The following NR2E1 variants were observed in gnomAD, a reference collection of about 807,000 sequenced individuals.
NR2E1 encodes nuclear receptor subfamily 2 group E member 1.
NR2E1 carries 5 observed loss-of-function variants against 43.6 expected under a neutral mutation model. That is an observed-to-expected ratio of 0.11 (90% CI 0.06 to 0.24). The LOEUF (loss-of-function observed/expected upper bound fraction) is 0.24, where lower values mean the gene tolerates loss of function less well. Among genes scored for constraint, NR2E1 ranks in the 10% least tolerant of loss-of-function variants. The pLI, the probability that NR2E1 is intolerant of heterozygous loss-of-function variation, is 1.00. For synonymous variants in NR2E1, 191 were observed against 195.5 expected (o/e 0.98, Z 0.19); for missense variants, 287 against 496.7 (o/e 0.58, Z 4.01).
At chr6:108,172,478 C>T (rs766086410) in intron 2 of NR2E1, among the ~76,000 whole-genome samples, 41 of 152,140 alleles carry the variant, frequency 2.7e-4, no homozygotes, top group Non-Finnish European at 4.7e-4. Context: ...GACTCAGTTT[C>T]CAGCTCAATA....
chr6:108,185,915 C>T (rs1159655924), intron 8 of NR2E1, among the ~76,000 whole-genome samples: 2 of 152,106 alleles, frequency 1.3e-5, no homozygotes, highest in Non-Finnish European at 2.9e-5. Context: ...TTTCTCACCA[C>T]GGGAAATGTT....
At position 108,187,792 on chromosome 6, in the gene NR2E1, G is replaced by A; in HGVS notation, c.*329G>A. 1 of 365,452 alleles carries A rather than the reference G, an allele frequency of 2.7e-6. No individual in the cohort carries two copies. The highest frequency in any genetic ancestry group is 5.3e-6 in the Non-Finnish European group (1 of 190,156). 22.6% of individuals were successfully genotyped at this position (365,452 alleles called of 1,614,324 possible). On this transcript the variant is annotated 3_prime_UTR_variant, in exon 9 of 9. Coordinates refer to ENST00000368986, the MANE Select transcript of NR2E1 (RefSeq NM_003269.5). The stretch of plus-strand genomic sequence containing the variant: ...GGAAGATCAGGCTGAACGATCAAAA[G>A]CTGAAACATAAGTAGTGCTTTCTCT...
chr6:108,177,014 G>T (rs1476153837), intron 4 of NR2E1, among the ~76,000 whole-genome samples: 1 of 152,170 alleles, frequency 6.6e-6, no homozygotes, highest in Non-Finnish European at 1.5e-5. Flanking sequence ...AGTTTGGGGT[G>T]GAGGCCAGGA....
intron 2 of NR2E1, 76 bp downstream of exon 2, chr6:108,171,679 C>G (rs1231243394): frequency 6.3e-6 from 10 of 1,588,374 alleles, no homozygotes; most frequent in Non-Finnish European, 7.7e-6. Flanking sequence ...AAGGCCTCCT[C>G]TGAGTTTCCA....
chr6:108,168,587 G>T (rs773316666), intron 1 of NR2E1, among the ~76,000 whole-genome samples: 24 of 152,286 alleles, frequency 1.6e-4, no homozygotes, highest in Non-Finnish European at 3.4e-4. Flanking sequence ...GAAGCCTCCA[G>T]CCCCGGCTCA....
chr6:108,182,794 T>C (rs1774014965), intron 8 of NR2E1, among the ~76,000 whole-genome samples: 1 of 151,996 alleles, frequency 6.6e-6, no homozygotes, highest in Non-Finnish European at 1.5e-5. Flanking sequence ...CCTGAACTTG[T>C]GATCTGCCTG....
At chr6:108,182,724 A>G (rs1042267141) in intron 8 of NR2E1, among the ~76,000 whole-genome samples, 6 of 151,656 alleles carry the variant, frequency 4.0e-5, no homozygotes, top group African/African-American at 1.5e-4. Context: ...ACGCCCAGCT[A>G]ATTTTTGTAT....
At chr6:108,184,860 C>A (rs886697786) in intron 8 of NR2E1, among the ~76,000 whole-genome samples, 1 of 152,106 alleles carries the variant, frequency 6.6e-6, no homozygotes, top group Non-Finnish European at 1.5e-5. Flanking sequence ...CTTATTATTT[C>A]TATTAAATAT....
rs1355244254 is a variant in NR2E1, at chr6:108,188,100, A to G, written c.*637A>G. 2 of 153,082 alleles carry G rather than the reference A, an allele frequency of 1.3e-5. No individual in the cohort carries two copies. Among genetic ancestry groups the G allele is most frequent in the Admixed American group, 6.4e-5 (1 of 15,506 alleles). The allele number at this position is 153,082 out of a possible 1,614,324, so 9.5% of individuals were successfully genotyped here. A position where few individuals can be genotyped will look rare whatever the true frequency, so the allele number is the denominator to read the frequency against. On this transcript the variant is annotated 3_prime_UTR_variant, in exon 9 of 9. Coordinates refer to ENST00000368986, the MANE Select transcript of NR2E1 (RefSeq NM_003269.5). ...CTTTTGTTCTTTCTTCTTCTTTTTTAATACCATAGGCCAGGCAACCTTGTC... is the reference window on the plus strand; with the variant it reads ...CTTTTGTTCTTTCTTCTTCTTTTTTGATACCATAGGCCAGGCAACCTTGTC...
intron 8 of NR2E1, among the ~76,000 whole-genome samples, chr6:108,186,430 T>G (rs180813366): frequency 6.6e-6 from 1 of 152,312 alleles, no homozygotes; most frequent in East Asian, 1.9e-4. Flanking sequence ...TCGAAGGAAT[T>G]TTGATATCCC....
intron 8 of NR2E1, among the ~76,000 whole-genome samples, chr6:108,183,906 TG>T (rs1473033799): frequency 6.6e-6 from 1 of 152,158 alleles, no homozygotes; most frequent in African/African-American, 2.4e-5. Context: ...TCTACTGACT[TG>T]TAGGCCGGGC....
intron 4 of NR2E1, 130 bp downstream of exon 4, chr6:108,176,868 TG>T (rs1773908646): frequency 1.2e-6 from 1 of 835,170 alleles, no homozygotes; most frequent in African/African-American, 1.7e-5. Flanking sequence ...GGCGGGTCTC[TG>T]CATGGAGCTC....
At chr6:108,172,869 T>C (rs988342707) in intron 2 of NR2E1, among the ~76,000 whole-genome samples, 6 of 152,254 alleles carry the variant, frequency 3.9e-5, no homozygotes, top group African/African-American at 1.4e-4. Context: ...TATCAGTTTC[T>C]AGCTTCACCA....
At position 108,180,972 on chromosome 6, in the gene NR2E1, C is replaced by A. The variant is rs751537295; in HGVS notation, c.889+16C>A. ...TTCAAAGCCGGTAAGCAGACACAGACCCCTGTTTCTTCTCCTTCCCCAGTT... is the reference window on the plus strand; with the variant it reads ...TTCAAAGCCGGTAAGCAGACACAGAACCCTGTTTCTTCTCCTTCCCCAGTT... On this transcript the variant is annotated intron_variant, in intron 7 of 8. Transcript: ENST00000368986. This position sits in a 1 kb window ranked among gnomAD's most constrained non-coding sequence, Gnocchi z 5.4. The A allele has an allele frequency of 6.2e-7, 1 of 1,613,784 alleles. No homozygotes were observed. The highest frequency in any genetic ancestry group is 1.1e-5 in the South Asian group (1 of 91,062).
intron 2 of NR2E1, among the ~76,000 whole-genome samples, chr6:108,173,175 G>A (rs967899142): frequency 2.0e-5 from 3 of 152,106 alleles, no homozygotes; most frequent in Admixed American, 6.6e-5. Flanking sequence ...GAGCTGAGGC[G>A]TTTATCCTTC....
At chr6:108,183,133 G>A (rs1001847138) in intron 8 of NR2E1, among the ~76,000 whole-genome samples, 1 of 152,192 alleles carries the variant, frequency 6.6e-6, no homozygotes, top group African/African-American at 2.4e-5. Context: ...GTTTTTGGCT[G>A]TTTGTAGGAA....
Position 108,180,726 on chromosome 6 carries a change from A to T in NR2E1, c.740-81A>T. 1 of 1,279,868 alleles carries T rather than the reference A, an allele frequency of 7.8e-7. No individual in the cohort carries two copies. Among genetic ancestry groups the T allele is most frequent in the South Asian group, 1.2e-5 (1 of 82,880 alleles). 79.3% of individuals were successfully genotyped at this position (1,279,868 alleles called of 1,614,324 possible). On this transcript the variant is annotated intron_variant, in intron 6 of 8. Coordinates refer to ENST00000368986, the MANE Select transcript of NR2E1 (RefSeq NM_003269.5). The surrounding 1 kb of genome is among the most constrained non-coding windows in gnomAD (Gnocchi z 5.4). ...GAGTGACAATTGAATAGATATTGAT[A>T]TGCAGGATTTTGTCAAAAATCAATA... is the stretch of plus-strand genomic sequence containing the variant.
chr6:108,166,927 C>A lies in NR2E1; in HGVS notation c.25+137C>A. On this transcript the variant is annotated intron_variant, in intron 1 of 8. Coordinates refer to ENST00000368986, the MANE Select transcript of NR2E1 (RefSeq NM_003269.5). This position sits in a 1 kb window ranked among gnomAD's most constrained non-coding sequence, Gnocchi z 7.2. ...GATTCCAGCGGGCGTGTGCGTTCGG[C>A]CCAGACCTGTAGACCGTGAGTTGGA... 2.1e-6 allele frequency: 2 copies of A among 935,664 alleles called. No individual in the cohort carries two copies. The highest frequency in any genetic ancestry group is 3.3e-6 in the Non-Finnish European group (2 of 603,912). The allele number at this position is 935,664 out of a possible 1,614,324, so 58.0% of individuals were successfully genotyped here.
intron 8 of NR2E1, among the ~76,000 whole-genome samples, chr6:108,184,324 A>C (rs1774040822): frequency 6.6e-6 from 1 of 152,248 alleles, no homozygotes; most frequent in Admixed American, 6.5e-5. Flanking sequence ...CGTGGTATCC[A>C]GTTATTGATC....
Sources: allele counts gnomAD v4.1 joint callset (sites outside exome capture counted in the v4.1 genomes callset), GRCh38; gene constraint gnomAD v4.1.1; non-coding constraint Gnocchi (gnomAD v3.1); transcripts MANE v1.5; gene names NCBI Gene and HGNC (gene_info 2026-07-23, HGNC 2026-07-21).